The following TRAPPC13 variants were observed in gnomAD, a reference collection of about 807,000 sequenced individuals.
TRAPPC13 encodes trafficking protein particle complex subunit 13, also known as REV7-interacting novel NHEJ regulator 1.
Under a neutral mutation model 54.0 loss-of-function variants are expected in TRAPPC13, and 39 were observed. The observed-to-expected ratio is 0.72, with a 90% CI of 0.56 to 0.94. TRAPPC13 has a LOEUF of 0.94. Among genes scored for constraint, TRAPPC13 ranks in the 40% least tolerant of loss-of-function variants. The pLI is 0.00. For synonymous variants in TRAPPC13, 148 were observed against 167.7 expected, an observed-to-expected ratio of 0.88 and a Z score of 0.91; for missense variants, 386 against 488.1, an observed-to-expected ratio of 0.79 and a Z score of 1.97.
intron 3 of TRAPPC13, among the ~76,000 whole-genome samples, chr5:65,636,449 C>T (rs1755754243): frequency 1.3e-5 from 2 of 151,674 alleles, no homozygotes; most frequent in African/African-American, 4.8e-5. Context: ...GGACATGATA[C>T]ATTTGAGGGG....
intron 1 of TRAPPC13, chr5:65,630,110 A>G (rs1289674535): frequency 4.6e-6 from 7 of 1,535,958 alleles, no homozygotes; most frequent in African/African-American, 1.4e-5. Flanking sequence ...AGAACACACT[A>G]TTTGTAACAG....
intron 4 of TRAPPC13, among the ~76,000 whole-genome samples, chr5:65,644,521 G>T (rs899837209): frequency 6.6e-6 from 1 of 152,082 alleles, no homozygotes; most frequent in Non-Finnish European, 1.5e-5. Flanking sequence ...AGGACACACA[G>T]GAAAACATAT....
At chr5:65,625,183 C>A in intron 1 of TRAPPC13, 77 bp downstream of exon 1, 2 of 1,235,066 alleles carry the variant, frequency 1.6e-6, no homozygotes, top group Non-Finnish European at 2.4e-6. Context: ...GCCATGTAGG[C>A]CTCATCCTTC....
At chr5:65,631,802 C>T (rs181923515) in intron 1 of TRAPPC13, among the ~76,000 whole-genome samples, 21 of 151,808 alleles carry the variant, frequency 1.4e-4, no homozygotes, top group African/African-American at 4.8e-4. Context: ...CCTGCTAAAC[C>T]ACAGGAATCA....
intron 6 of TRAPPC13, among the ~76,000 whole-genome samples, chr5:65,651,381 C>T (rs1258375967): frequency 6.6e-6 from 1 of 151,998 alleles, no homozygotes; most frequent in Non-Finnish European, 1.5e-5. Flanking sequence ...ACTCTGTCTC[C>T]GAAAAGTAAA....
intron 1 of TRAPPC13, chr5:65,630,462 A>G: frequency 2.9e-6 from 4 of 1,390,290 alleles, no homozygotes; most frequent in South Asian, 1.8e-5. Flanking sequence ...AGGCTTGTCA[A>G]TTAAGTCAAG....
intron 5 of TRAPPC13, among the ~76,000 whole-genome samples, chr5:65,649,342 T>C (rs1465617723): frequency 6.6e-6 from 1 of 152,248 alleles, no homozygotes; most frequent in African/African-American, 2.4e-5. Flanking sequence ...ATGAACACCT[T>C]AATGTTTCCT....
chr5:65,651,842 G>GTTT lies in TRAPPC13; in HGVS notation c.502-623_502-621dup, dbSNP rs762929434. Among the ~76,000 whole-genome samples, 4 of 41,136 alleles carry GTTT rather than the reference G, an allele frequency of 9.7e-5. 1 individual carries two copies. The highest frequency in any genetic ancestry group is 3.7e-4 in the African/African-American group (4 of 10,796). The allele number at this position is 41,136 out of a possible 152,430, so 27.0% of individuals were successfully genotyped here. A position where few individuals can be genotyped will look rare whatever the true frequency, so the allele number is the denominator to read the frequency against. ...TTGAAAGAAAATAAAACGTGATTCAGTTTTTTTTTTTTTTTTTTTTTTTTT... is the reference window on the plus strand; with the variant it reads ...TTGAAAGAAAATAAAACGTGATTCAGTTTTTTTTTTTTTTTTTTTTTTTTTTTT... On this transcript the variant is annotated intron_variant, in intron 6 of 12. Coordinates refer to ENST00000399438, the MANE Select transcript of TRAPPC13 (RefSeq NM_024941.4).
intron 1 of TRAPPC13, chr5:65,629,925 A>C (rs1385728545): frequency 6.5e-7 from 1 of 1,536,002 alleles, no homozygotes; most frequent in East Asian, 2.4e-5. Context: ...GAACAGACTA[A>C]TTCTGGAAAT....
intron 4 of TRAPPC13, 27 bp downstream of exon 4, chr5:65,637,807 A>AC: frequency 7.1e-7 from 1 of 1,410,720 alleles, no homozygotes; most frequent in Non-Finnish European, 9.8e-7. Context: ...CTTGGGATGT[A>AC]TTTTAGTCTT....
At chr5:65,654,421 T>A (rs1394519459) in intron 7 of TRAPPC13, among the ~76,000 whole-genome samples, 1 of 152,196 alleles carries the variant, frequency 6.6e-6, no homozygotes, top group Non-Finnish European at 1.5e-5. Flanking sequence ...TCAGTAATAT[T>A]CTGAACTTTT....
chr5:65,633,515 G>T (rs990009444), intron 1 of TRAPPC13, among the ~76,000 whole-genome samples: 6 of 151,980 alleles, frequency 3.9e-5, no homozygotes, highest in Non-Finnish European at 8.8e-5. Flanking sequence ...TGATCCGCCC[G>T]CCTCGGCCTC....
chr5:65,655,679 T>G (rs1756625803), intron 8 of TRAPPC13, 26 bp downstream of exon 8: 1 of 831,360 alleles, frequency 1.2e-6, no homozygotes, highest in Non-Finnish European at 1.7e-6. Flanking sequence ...ATTATAAATT[T>G]TTATACTTTT....
intron 7 of TRAPPC13, chr5:65,652,777 G>A (rs1409874183): frequency 1.1e-5 from 6 of 551,672 alleles, no homozygotes; most frequent in Non-Finnish European, 1.6e-5. Context: ...AATTTTATAA[G>A]GCTTTCATCT....
chr5:65,652,283 A>T (rs1226775927), intron 6 of TRAPPC13, among the ~76,000 whole-genome samples: 1 of 151,474 alleles, frequency 6.6e-6, no homozygotes, highest in Non-Finnish European at 1.5e-5. Context: ...ATTATCACCC[A>T]GTCAAGAAAT....
intron 1 of TRAPPC13, among the ~76,000 whole-genome samples, chr5:65,628,061 G>C (rs1755331791): frequency 6.6e-6 from 1 of 152,152 alleles, no homozygotes; most frequent in Non-Finnish European, 1.5e-5. Flanking sequence ...ATGTGAAAAA[G>C]TCTGTTTTAT....
chr5:65,662,289 A>G (rs1756874737), intron 11 of TRAPPC13, 139 bp downstream of exon 11: 3 of 533,024 alleles, frequency 5.6e-6, no homozygotes, highest in Non-Finnish European at 9.7e-6. Context: ...TGAGTACTGT[A>G]AAATTCTTCA....
intron 11 of TRAPPC13, chr5:65,663,528 G>A (rs1388340487): frequency 6.6e-6 from 1 of 151,976 alleles, no homozygotes; most frequent in Admixed American, 6.6e-5. Flanking sequence ...ATTTAAATAA[G>A]CAATTTAAAA....
chr5:65,629,998 C>G, intron 1 of TRAPPC13: 1 of 1,535,812 alleles, frequency 6.5e-7, no homozygotes, highest in African/African-American at 1.4e-5. Flanking sequence ...TTTCCCTTCC[C>G]AGCAATAATT....
Sources: gnomAD v4.1 joint callset for allele counts (sites outside exome capture counted in the v4.1 genomes callset) on GRCh38, gnomAD v4.1.1 for gene constraint, MANE v1.5 for transcripts, NCBI Gene and HGNC (gene_info 2026-07-23, HGNC 2026-07-21) for gene names.